The following PEX5L variants were observed in gnomAD, a reference collection of about 807,000 sequenced individuals.
PEX5L encodes the protein peroxisomal biogenesis factor 5 like.
PEX5L carries 30 observed loss-of-function variants against 84.0 expected under a neutral mutation model. The ratio of observed to expected loss-of-function variants is 0.36; its 90% CI spans 0.27 to 0.48. The LOEUF (loss-of-function observed/expected upper bound fraction) is 0.48. PEX5L is among the 20% of genes least tolerant of loss of function. The pLI is 0.99. For missense variants in PEX5L, 533 were observed against 754.6 expected, an observed-to-expected ratio of 0.71 and a Z score of 3.44; for synonymous variants, 270 against 283.1, an observed-to-expected ratio of 0.95 and a Z score of 0.46.
intron 1 of PEX5L, chr3:179,973,981 C>T: frequency 5.1e-6 from 5 of 985,416 alleles, no homozygotes; most frequent in Non-Finnish European, 6.0e-6. Context: ...GGGGATTAAT[C>T]CTTTTCTAAG....
At chr3:179,973,146 T>C (rs1169353316) in intron 1 of PEX5L, 1 of 1,260,976 alleles carries the variant, frequency 7.9e-7, no homozygotes, top group Non-Finnish European at 1.0e-6. Flanking sequence ...CAAATATTGA[T>C]CTGTATACGT....
chr3:180,023,053 G>A (rs73059363), intron 1 of PEX5L, among the ~76,000 whole-genome samples: 4,656 of 152,244 alleles, frequency 0.031, 248 homozygotes, highest in African/African-American at 0.11. Context: ...ATTTTGCAGC[G>A]GCTGAGGTAC....
At chr3:179,932,787 G>A (rs1230369120) in intron 2 of PEX5L, among the ~76,000 whole-genome samples, 1 of 152,046 alleles carries the variant, frequency 6.6e-6, no homozygotes, top group African/African-American at 2.4e-5. Flanking sequence ...ATGATGTTTT[G>A]AAATATGCAT....
chr3:179,857,440 G>A (rs1247321378), intron 8 of PEX5L, among the ~76,000 whole-genome samples: 1 of 152,226 alleles, frequency 6.6e-6, no homozygotes, highest in East Asian at 1.9e-4. Context: ...CTAATTGGAA[G>A]TGTTCAAATA....
At chr3:179,943,790 T>C (rs1453447800) in intron 2 of PEX5L, among the ~76,000 whole-genome samples, 1 of 152,222 alleles carries the variant, frequency 6.6e-6, no homozygotes, top group African/African-American at 2.4e-5. Context: ...AAGGACTCAG[T>C]AACAATTCTC....
At chr3:179,848,206 A>G (rs1740373449) in intron 8 of PEX5L, among the ~76,000 whole-genome samples, 2 of 152,140 alleles carry the variant, frequency 1.3e-5, no homozygotes, top group Admixed American at 1.3e-4. Context: ...TAAGAAAAAT[A>G]TAGGATTTTG....
At chr3:179,875,862 T>C (rs971960287) in intron 5 of PEX5L, among the ~76,000 whole-genome samples, 3 of 152,166 alleles carry the variant, frequency 2.0e-5, no homozygotes, top group Non-Finnish European at 4.4e-5. Flanking sequence ...ACTCTATCAG[T>C]CTCTGGCTAA....
chr3:179,830,020 C>A, intron 8 of PEX5L, among the ~76,000 whole-genome samples: 1 of 142,246 alleles, frequency 7.0e-6, no homozygotes, highest in South Asian at 2.3e-4. Context: ...TGATTTCGAA[C>A]TCCTGACCTC....
chr3:179,921,426 T>A (rs1560718261), intron 2 of PEX5L: 1 of 152,220 alleles, frequency 6.6e-6, no homozygotes, highest in Non-Finnish European at 1.5e-5. Context: ...GTAGTTCCTA[T>A]CTTTCTGATG....
intron 1 of PEX5L, among the ~76,000 whole-genome samples, chr3:180,032,753 C>A (rs1466634863): frequency 6.6e-6 from 1 of 152,110 alleles, no homozygotes; most frequent in African/African-American, 2.4e-5. Flanking sequence ...ACTTGGGAGA[C>A]TGAGGTGGGA....
chr3:179,879,793 G>A, intron 5 of PEX5L, 136 bp downstream of exon 5: 1 of 562,936 alleles, frequency 1.8e-6, no homozygotes. Flanking sequence ...AAGAAGCTAT[G>A]TCCTGTCCAG....
rs1214665605 is a variant in PEX5L at position 180,024,561 on chromosome 3, T to A, written c.21+12018A>T. Among the ~76,000 whole-genome samples, 254 of 122,934 alleles carry A rather than the reference T, an allele frequency of 2.1e-3. 1 individual carries two copies. The highest frequency in any genetic ancestry group is 0.013 in the Admixed American group (162 of 12,782). The allele number at this position is 122,934 out of a possible 152,430, so 80.6% of individuals were successfully genotyped here. On this transcript the variant is annotated intron_variant, in intron 1 of 14. Coordinates refer to ENST00000467460, the MANE Select transcript of PEX5L (RefSeq NM_016559.3). ...CTCCGTTTCAAAAAAAAAAAAAAAA[T>A]AGAATAAAAGGAACCCATGGTTCAG...
chr3:180,025,005 A>G (rs538456871), intron 1 of PEX5L, among the ~76,000 whole-genome samples: 208 of 152,194 alleles, frequency 1.4e-3, no homozygotes, highest in Non-Finnish European at 2.1e-3. Flanking sequence ...TATATTTCTA[A>G]GTCTGCAGTC....
Position 179,997,699 on chromosome 3 carries a change from C to T in PEX5L, c.22-26034G>A, listed in dbSNP as rs150031421. On this transcript the variant is annotated intron_variant, in intron 1 of 14. Coordinates refer to ENST00000467460, the MANE Select transcript of PEX5L (RefSeq NM_016559.3). ...GAGAATGACAGTGGATTATTATAAG[C>T]TTAACCAAGTGGTGACTCCAATTGC... Among the ~76,000 whole-genome samples, 1,405 of 152,342 alleles carry T rather than the reference C, an allele frequency of 9.2e-3. 15 individuals carry two copies. Among genetic ancestry groups the T allele is most frequent in the African/African-American group, 0.032 (1,317 of 41,574 alleles).
chr3:179,835,429 T>C (rs965925891), intron 8 of PEX5L, among the ~76,000 whole-genome samples: 3 of 152,132 alleles, frequency 2.0e-5, no homozygotes, highest in East Asian at 1.9e-4. Context: ...TGAGACAATA[T>C]ATCAGTCGGT....
At chr3:179,941,909 T>TA (rs1475455202) in intron 2 of PEX5L, among the ~76,000 whole-genome samples, 1 of 149,044 alleles carries the variant, frequency 6.7e-6, no homozygotes, top group African/African-American at 2.5e-5. Context: ...TAATCCCAGC[T>TA]ACTTGGGAGG....
intron 1 of PEX5L, among the ~76,000 whole-genome samples, chr3:179,990,555 C>T (rs1018682680): frequency 1.3e-5 from 2 of 152,122 alleles, no homozygotes; most frequent in African/African-American, 4.8e-5. Context: ...CACAGCACCA[C>T]ACCAAACTAT....
chr3:180,003,944 C>G (rs577763989), intron 1 of PEX5L, among the ~76,000 whole-genome samples: 2 of 152,342 alleles, frequency 1.3e-5, no homozygotes, highest in East Asian at 3.9e-4. Flanking sequence ...CTACTGACCA[C>G]TGCTTTTATC....
intron 2 of PEX5L, among the ~76,000 whole-genome samples, chr3:179,956,325 A>G (rs2110038320): frequency 6.6e-6 from 1 of 152,260 alleles, no homozygotes; most frequent in East Asian, 1.9e-4. Flanking sequence ...CCCTAGGAAA[A>G]ATGGTAAAAT....
Sources: gnomAD v4.1 joint callset for allele counts (sites outside exome capture counted in the v4.1 genomes callset) on GRCh38, gnomAD v4.1.1 for gene constraint, MANE v1.5 for transcripts, NCBI Gene and HGNC (gene_info 2026-07-23, HGNC 2026-07-21) for gene names.